The following AGBL4 variants were observed in gnomAD, a reference collection of about 807,000 sequenced individuals.
The protein encoded by AGBL4 is AGBL carboxypeptidase 4.
Under a neutral mutation model 66.4 loss-of-function variants are expected in AGBL4, and 58 were observed. That is an observed-to-expected ratio of 0.87 (90% CI 0.71 to 1.09). The LOEUF is 1.09. Among genes scored for constraint, AGBL4 ranks in the 50% least tolerant of loss-of-function variants. The pLI, the probability that AGBL4 is intolerant of heterozygous loss-of-function variation, is 0.00. For missense variants in AGBL4, 579 were observed against 631.0 expected (o/e 0.92, Z 0.88); for synonymous variants, 234 against 222.9 (o/e 1.05, Z -0.44).
intron 3 of AGBL4, among the ~76,000 whole-genome samples, chr1:49,247,796 T>C (rs1307606982): frequency 6.6e-6 from 1 of 152,190 alleles, no homozygotes. Flanking sequence ...ATTTCCCAGG[T>C]ATTTTAAATA....
chr1:49,049,191 C>T (rs931497555), intron 4 of AGBL4, among the ~76,000 whole-genome samples: 33 of 152,080 alleles, frequency 2.2e-4, no homozygotes, highest in African/African-American at 8.0e-4. Flanking sequence ...GTTTTGTGCT[C>T]GATCTTTCCT....
chr1:49,915,102 G>T (rs974423813), intron 1 of AGBL4, among the ~76,000 whole-genome samples: 7 of 152,088 alleles, frequency 4.6e-5, no homozygotes, highest in African/African-American at 1.7e-4. Context: ...AAAATTATCG[G>T]GCAGTTCCAA....
chr1:48,718,267 A>C (rs1433239456), intron 6 of AGBL4, among the ~76,000 whole-genome samples: 1 of 152,086 alleles, frequency 6.6e-6, no homozygotes, highest in Non-Finnish European at 1.5e-5. Context: ...GGGCAGCCCC[A>C]CCCTGCAAAG....
chr1:48,882,009 G>A (rs1328832567), intron 5 of AGBL4, among the ~76,000 whole-genome samples: 3 of 152,222 alleles, frequency 2.0e-5, no homozygotes, highest in African/African-American at 7.2e-5. Context: ...AGTGCTTTGG[G>A]AGGCTGAGGT....
At chr1:49,145,066 GA>G (rs1646190890) in intron 4 of AGBL4, among the ~76,000 whole-genome samples, 1 of 152,112 alleles carries the variant, frequency 6.6e-6, no homozygotes, top group Non-Finnish European at 1.5e-5. Flanking sequence ...CTAGGAAAGG[GA>G]AACAATAGCA....
chr1:48,536,178 C>T (rs917046090), intron 12 of AGBL4, among the ~76,000 whole-genome samples: 1 of 152,032 alleles, frequency 6.6e-6, no homozygotes, highest in Non-Finnish European at 1.5e-5. Context: ...ATTATGAGCT[C>T]ACCATCTACA....
intron 3 of AGBL4, among the ~76,000 whole-genome samples, chr1:49,377,018 A>G (rs1409485955): frequency 6.6e-6 from 1 of 152,126 alleles, no homozygotes; most frequent in African/African-American, 2.4e-5. Flanking sequence ...TGAAGAGAAG[A>G]TAACTCATAT....
rs1340127832 is a variant in AGBL4, at chr1:49,971,913, T to G, written c.34+51850A>C. Among the ~76,000 whole-genome samples the G allele has an allele frequency of 1.0e-3, 94 of 91,710 alleles. 3 individuals carry two copies. Among genetic ancestry groups the G allele is most frequent in the African/African-American group, 2.8e-3 (73 of 26,452 alleles). The allele number at this position is 91,710 out of a possible 152,430, so 60.2% of individuals were successfully genotyped here. On this transcript the variant is annotated intron_variant, in intron 1 of 13. Coordinates refer to ENST00000371839, the MANE Select transcript of AGBL4 (RefSeq NM_032785.4). ...AAGTGCAGGGTTTTTTTGGGTTTTT[T>G]TTTTTTTTTTTTTTTTTTTGCAGGG...
chr1:49,469,767 T>A (rs373302588), intron 3 of AGBL4: 1 of 151,952 alleles, frequency 6.6e-6, no homozygotes, highest in South Asian at 2.1e-4. Flanking sequence ...GAAGCTGAAC[T>A]CACTGATTTA....
chr1:49,676,336 A>G (rs1446746881), intron 3 of AGBL4, among the ~76,000 whole-genome samples: 1 of 152,042 alleles, frequency 6.6e-6, no homozygotes, highest in Admixed American at 6.6e-5. Flanking sequence ...AAGATGATCC[A>G]GGCATTGCAG....
chr1:48,688,670 T>C (rs1480344150), intron 6 of AGBL4, among the ~76,000 whole-genome samples: 1 of 152,100 alleles, frequency 6.6e-6, no homozygotes, highest in East Asian at 1.9e-4. Context: ...TCACAGAAGA[T>C]GACACAAAGA....
chr1:48,813,761 C>A (rs931270192), intron 6 of AGBL4, among the ~76,000 whole-genome samples: 1 of 151,808 alleles, frequency 6.6e-6, no homozygotes, highest in African/African-American at 2.4e-5. Flanking sequence ...AAGGTGGATC[C>A]TAGTACTAGA....
intron 6 of AGBL4, among the ~76,000 whole-genome samples, chr1:48,768,631 T>C (rs1644650771): frequency 6.6e-6 from 1 of 152,314 alleles, no homozygotes; most frequent in South Asian, 2.1e-4. Context: ...GGGAGAAATT[T>C]TGTCTTAACT....
chr1:48,670,771 C>G (rs7513798), intron 6 of AGBL4, among the ~76,000 whole-genome samples: 1 of 152,258 alleles, frequency 6.6e-6, no homozygotes, highest in African/African-American at 2.4e-5. Flanking sequence ...ACCCTACAAA[C>G]ACCTCCAGAA....
intron 2 of AGBL4, among the ~76,000 whole-genome samples, chr1:49,843,012 T>C (rs2148043935): frequency 6.6e-6 from 1 of 152,222 alleles, no homozygotes; most frequent in Non-Finnish European, 1.5e-5. Flanking sequence ...GATTGATAGG[T>C]AGCAGAGATA....
intron 5 of AGBL4, among the ~76,000 whole-genome samples, chr1:49,007,835 T>A: frequency 6.6e-6 from 1 of 151,568 alleles, no homozygotes; most frequent in Admixed American, 6.6e-5. Context: ...GCTGAGAGAT[T>A]TTGTCACCAC....
intron 5 of AGBL4, among the ~76,000 whole-genome samples, chr1:49,022,598 T>G (rs1004016881): frequency 6.6e-6 from 1 of 152,118 alleles, no homozygotes; most frequent in African/African-American, 2.4e-5. Flanking sequence ...TATCTAGCAG[T>G]AATGAGTTGG....
chr1:49,725,838 G>A (rs1326711582), intron 2 of AGBL4, among the ~76,000 whole-genome samples: 2 of 151,818 alleles, frequency 1.3e-5, no homozygotes, highest in African/African-American at 2.4e-5. Context: ...AAAATCAAAG[G>A]AGTAAGAATA....
intron 2 of AGBL4, among the ~76,000 whole-genome samples, chr1:49,824,365 A>C (rs1468905317): frequency 6.6e-6 from 1 of 152,222 alleles, no homozygotes; most frequent in Non-Finnish European, 1.5e-5. Flanking sequence ...GTCCAAGGTA[A>C]AGATTCCTGC....
Sources: gnomAD v4.1 joint callset for allele counts (sites outside exome capture counted in the v4.1 genomes callset) on GRCh38, gnomAD v4.1.1 for gene constraint, MANE v1.5 for transcripts, NCBI Gene and HGNC (gene_info 2026-07-23, HGNC 2026-07-21) for gene names.